EPB41L2: variants seen among roughly 807,000 people sequenced by gnomAD.
EPB41L2 encodes the protein erythrocyte membrane protein band 4.1 like 2.
Under a neutral mutation model 113.0 loss-of-function variants are expected in EPB41L2, and 43 were observed. That is an observed-to-expected ratio of 0.38 (90% confidence interval 0.30 to 0.49). The LOEUF is 0.49. Ranked by LOEUF, EPB41L2 falls within the 20% of genes least tolerant of loss-of-function variation. The pLI is 0.95. For synonymous variants in EPB41L2, 442 were observed against 436.7 expected (o/e 1.01, Z -0.15); for missense variants, 1,147 against 1,223.4 (o/e 0.94, Z 0.93).
chr6:130,878,363 CA>C, intron 13 of EPB41L2, 113 bp from the exon 14 acceptor site: 1 of 1,228,876 alleles, frequency 8.1e-7, no homozygotes, highest in Non-Finnish European at 1.1e-6. Flanking sequence ...AAAAAAAAAC[CA>C]TAGTAAAGCA....
chr6:130,845,644 G>A (rs539983704), intron 19 of EPB41L2, among the ~76,000 whole-genome samples: 51 of 152,266 alleles, frequency 3.3e-4, no homozygotes, highest in African/African-American at 1.2e-3. Flanking sequence ...ACCTCCCAAC[G>A]TGTTCGGATT....
At chr6:131,053,285 A>G (rs533308221) in intron 1 of EPB41L2, among the ~76,000 whole-genome samples, 12 of 152,206 alleles carry the variant, frequency 7.9e-5, no homozygotes, top group African/African-American at 2.9e-4. Flanking sequence ...ATTTAGAGAC[A>G]AAACACCAGA....
intron 1 of EPB41L2, among the ~76,000 whole-genome samples, chr6:130,959,839 A>G (rs1818735350): frequency 6.6e-6 from 1 of 152,214 alleles, no homozygotes; most frequent in Admixed American, 6.5e-5. Flanking sequence ...ATACTTGTCT[A>G]AGCTAACCAA....
intron 14 of EPB41L2, chr6:130,872,345 A>G (rs1173496301): frequency 1.6e-6 from 2 of 1,269,306 alleles, no homozygotes; most frequent in Non-Finnish European, 2.0e-6. Context: ...GGCTTTTAGT[A>G]ACAGGGGAAA....
chr6:130,855,606 G>A (rs1779986694), intron 19 of EPB41L2, among the ~76,000 whole-genome samples: 1 of 152,122 alleles, frequency 6.6e-6, no homozygotes, highest in Non-Finnish European at 1.5e-5. Flanking sequence ...GCAAAAGCTA[G>A]AAAAGATTTG....
At chr6:130,914,800 G>C (rs1303601910) in intron 4 of EPB41L2, among the ~76,000 whole-genome samples, 1 of 152,060 alleles carries the variant, frequency 6.6e-6, no homozygotes, top group Non-Finnish European at 1.5e-5. Context: ...CTTAAGAGCA[G>C]GAACAGTCAC....
chr6:131,001,221 C>G (rs552895938), intron 1 of EPB41L2, among the ~76,000 whole-genome samples: 1 of 152,254 alleles, frequency 6.6e-6, no homozygotes, highest in African/African-American at 2.4e-5. Flanking sequence ...TCAGTCACGT[C>G]TACGTCCTGA....
chr6:130,873,451 A>T (rs1207999921), intron 14 of EPB41L2, among the ~76,000 whole-genome samples: 2 of 144,968 alleles, frequency 1.4e-5, no homozygotes, highest in African/African-American at 2.5e-5. Context: ...ATTCCTAATA[A>T]ACCCCACTAT....
chr6:130,895,239 G>T, intron 8 of EPB41L2, 120 bp from the exon 9 acceptor site: 1 of 1,179,200 alleles, frequency 8.5e-7, no homozygotes, highest in Non-Finnish European at 1.2e-6. Flanking sequence ...TGTATTTAAA[G>T]TTTAGTGACA....
At chr6:131,049,195 A>G (rs1796076540) in intron 1 of EPB41L2, among the ~76,000 whole-genome samples, 2 of 152,232 alleles carry the variant, frequency 1.3e-5, no homozygotes, top group African/African-American at 4.8e-5. Flanking sequence ...GAGGTGGGGG[A>G]AGACGAATGT....
intron 3 of EPB41L2, among the ~76,000 whole-genome samples, chr6:130,934,730 C>T (rs1171540308): frequency 6.6e-6 from 1 of 151,952 alleles, no homozygotes; most frequent in Non-Finnish European, 1.5e-5. Flanking sequence ...ATTCTCCCAC[C>T]TTGGCCTCCC....
intron 3 of EPB41L2, among the ~76,000 whole-genome samples, chr6:130,935,984 A>G (rs1808650226): frequency 6.6e-6 from 1 of 152,256 alleles, no homozygotes; most frequent in Admixed American, 6.5e-5. Context: ...CTTGCTAAGA[A>G]AACCATATTT....
intron 17 of EPB41L2, among the ~76,000 whole-genome samples, chr6:130,864,673 A>G (rs1783155677): frequency 6.6e-6 from 1 of 152,240 alleles, no homozygotes; most frequent in African/African-American, 2.4e-5. Context: ...GCATTTTACC[A>G]TAACAAACCA....
intron 1 of EPB41L2, among the ~76,000 whole-genome samples, chr6:131,048,156 A>AAC (rs1562797586): frequency 1.7e-5 from 1 of 59,552 alleles, no homozygotes; most frequent in Non-Finnish European, 5.4e-5. Flanking sequence ...AAAAAAAAAA[A>AAC]AGAAAAAAAG....
At chr6:130,862,230 A>G (rs542158533) in intron 18 of EPB41L2, among the ~76,000 whole-genome samples, 1 of 152,358 alleles carries the variant, frequency 6.6e-6, no homozygotes, top group South Asian at 2.1e-4. Context: ...AAAACAATAC[A>G]CATAAGTAAA....
At chr6:130,928,817 G>C (rs1356386505) in intron 3 of EPB41L2, among the ~76,000 whole-genome samples, 1 of 152,182 alleles carries the variant, frequency 6.6e-6, no homozygotes, top group East Asian at 1.9e-4. Flanking sequence ...GTGTGACAAA[G>C]TAAAACCACT....
intron 1 of EPB41L2, among the ~76,000 whole-genome samples, chr6:130,958,309 G>T (rs1562591628): frequency 6.6e-6 from 1 of 152,098 alleles, no homozygotes; most frequent in East Asian, 1.9e-4. Context: ...AAACTTAGCT[G>T]AGCGTGGTGG....
intron 8 of EPB41L2, 126 bp from the exon 9 acceptor site, chr6:130,895,245 T>A: frequency 9.2e-7 from 1 of 1,090,750 alleles, no homozygotes; most frequent in South Asian, 1.7e-5. Context: ...TAAAGTTTAG[T>A]GACAAGTACG....
At chr6:130,950,961 G>GA (rs1313639831) in intron 3 of EPB41L2, among the ~76,000 whole-genome samples, 11 of 152,122 alleles carry the variant, frequency 7.2e-5, no homozygotes, top group Non-Finnish European at 1.5e-4. Flanking sequence ...AACTAGGGGA[G>GA]AAAGTCCTTA....
Sources: allele counts gnomAD v4.1 joint callset (sites outside exome capture counted in the v4.1 genomes callset), GRCh38; gene constraint gnomAD v4.1.1; transcripts MANE v1.5; gene names NCBI Gene and HGNC (gene_info 2026-07-23, HGNC 2026-07-21).